Variants in DLG2 observed in about 807,000 individuals in gnomAD.
DLG2 encodes disks large homolog 2.
In DLG2, 45 loss-of-function variants were observed where a neutral mutation model predicts 132.5. That is an observed-to-expected ratio of 0.34 (90% CI 0.27 to 0.44). The LOEUF (loss-of-function observed/expected upper bound fraction) is 0.44, where lower values mean the gene tolerates loss of function less well. Among genes scored for constraint, DLG2 ranks in the 20% least tolerant of loss-of-function variants. DLG2 has a pLI of 1.00. For synonymous variants in DLG2, 424 were observed against 419.6 expected (o/e 1.01, Z -0.13); for missense variants, 1,045 against 1,196.9 (o/e 0.87, Z 1.87).
intron 6 of DLG2, among the ~76,000 whole-genome samples, chr11:84,812,648 C>A: frequency 6.6e-6 from 1 of 152,090 alleles, no homozygotes; most frequent in South Asian, 2.1e-4. Flanking sequence ...GAAAGCAATT[C>A]CACAGCAATA....
At position 83,458,048 on chromosome 11, in the gene DLG2, T is replaced by C. The variant is rs1255370871; in HGVS notation, c.*1770A>G. 1.3e-5 allele frequency: 2 copies of C among 152,646 alleles called. No homozygotes were observed. Among genetic ancestry groups the C allele is most frequent in the African/African-American group, 4.8e-5 (2 of 41,446 alleles). 9.5% of individuals were successfully genotyped at this position (152,646 alleles called of 1,614,324 possible). A position where few individuals can be genotyped will look rare whatever the true frequency, so the allele number is the denominator to read the frequency against. ...TCTTACTGTGAAGAAGCCCCATCAC[T>C]CTGATGGCTCTATCTCTTGCTCTCC... is the stretch of plus-strand genomic sequence containing the variant. On this transcript the variant is annotated 3_prime_UTR_variant, in exon 28 of 28. Transcript: ENST00000376104.
At chr11:83,607,848 C>A (rs529397355) in intron 19 of DLG2, among the ~76,000 whole-genome samples, 8 of 152,242 alleles carry the variant, frequency 5.3e-5, no homozygotes, top group Non-Finnish European at 1.0e-4. Context: ...TCATGTTGAG[C>A]CAAGGAAGCC....
At chr11:84,733,991 GC>G (rs2063496286) in intron 6 of DLG2, among the ~76,000 whole-genome samples, 1 of 152,100 alleles carries the variant, frequency 6.6e-6, no homozygotes, top group African/African-American at 2.4e-5. Context: ...TGTTCCATTG[GC>G]CTATATCTCT....
At chr11:85,014,957 C>T (rs2059447688) in intron 6 of DLG2, among the ~76,000 whole-genome samples, 3 of 152,124 alleles carry the variant, frequency 2.0e-5, no homozygotes, top group Non-Finnish European at 4.4e-5. Context: ...CAGATTATGC[C>T]TCTTGAAGTT....
chr11:84,995,528 T>C (rs1458578936), intron 6 of DLG2, among the ~76,000 whole-genome samples: 1 of 152,204 alleles, frequency 6.6e-6, no homozygotes, highest in Non-Finnish European at 1.5e-5. Context: ...GCCTTGCATG[T>C]CTTCTTGTTG....
At chr11:85,349,304 TGAAA>T (rs2083098073) in intron 3 of DLG2, among the ~76,000 whole-genome samples, 1 of 152,130 alleles carries the variant, frequency 6.6e-6, no homozygotes, top group East Asian at 1.9e-4. Flanking sequence ...CAGCAGACTC[TGAAA>T]GAAACACCAA....
intron 6 of DLG2, among the ~76,000 whole-genome samples, chr11:84,977,009 T>C (rs1348811467): frequency 6.6e-6 from 1 of 152,170 alleles, no homozygotes; most frequent in African/African-American, 2.4e-5. Context: ...AATGTAGCTA[T>C]ATAGAATATG....
At chr11:83,916,196 T>C (rs767911644) in intron 15 of DLG2, among the ~76,000 whole-genome samples, 42 of 152,220 alleles carry the variant, frequency 2.8e-4, no homozygotes, top group Admixed American at 9.2e-4. Context: ...TTATGAACAA[T>C]GCTGCTATGA....
At chr11:83,631,616 T>C (rs1191155651) in intron 19 of DLG2, 2 of 152,152 alleles carry the variant, frequency 1.3e-5, no homozygotes, top group Non-Finnish European at 2.9e-5. Flanking sequence ...TATAATATCA[T>C]ATCACTTCAT....
chr11:84,593,788 A>C (rs946011585), intron 6 of DLG2, among the ~76,000 whole-genome samples: 1 of 152,144 alleles, frequency 6.6e-6, no homozygotes, highest in African/African-American at 2.4e-5. Context: ...CCAGAACTTA[A>C]AGTATTATAA....
intron 6 of DLG2, among the ~76,000 whole-genome samples, chr11:84,609,860 A>AT (rs1373454011): frequency 6.6e-6 from 1 of 152,168 alleles, no homozygotes; most frequent in Non-Finnish European, 1.5e-5. Flanking sequence ...AATATTTTAA[A>AT]TTATCTATAA....
At chr11:84,338,574 C>T (rs922273933) in intron 7 of DLG2, among the ~76,000 whole-genome samples, 1 of 152,110 alleles carries the variant, frequency 6.6e-6, no homozygotes, top group African/African-American at 2.4e-5. Context: ...CCTGTAATCC[C>T]AGCACTTTGG....
intron 18 of DLG2, among the ~76,000 whole-genome samples, chr11:83,724,476 T>TGAGAGAGAGAGA (rs59782952): frequency 0.014 from 1,702 of 118,098 alleles, 17 homozygotes; most frequent in East Asian, 0.031. Context: ...TGTGTGTGTG[T>TGAGAGAGAGAGA]GAGAGAGAGA....
intron 7 of DLG2, among the ~76,000 whole-genome samples, chr11:84,303,835 G>A (rs1041200099): frequency 6.6e-6 from 1 of 152,144 alleles, no homozygotes; most frequent in African/African-American, 2.4e-5. Flanking sequence ...GGAATAGAAG[G>A]TGTCATTCTT....
At chr11:85,332,888 G>A (rs2081864805) in intron 3 of DLG2, among the ~76,000 whole-genome samples, 1 of 152,122 alleles carries the variant, frequency 6.6e-6, no homozygotes, top group Admixed American at 6.6e-5. Context: ...AGAGTATGAT[G>A]CCTCCAGCTT....
intron 6 of DLG2, among the ~76,000 whole-genome samples, chr11:84,980,963 C>T (rs930171448): frequency 2.0e-5 from 3 of 152,130 alleles, no homozygotes; most frequent in African/African-American, 7.2e-5. Context: ...CTTTTGTGCT[C>T]TCATAGACTC....
At chr11:85,599,340 CTCTCTCTT>C in intron 2 of DLG2, among the ~76,000 whole-genome samples, 1 of 150,174 alleles carries the variant, frequency 6.7e-6, no homozygotes, top group African/African-American at 2.5e-5. Flanking sequence ...TCTCCCCCAC[CTCTCTCTT>C]TCTCTCTCTC....
chr11:85,106,037 C>A (rs948800447), intron 6 of DLG2, among the ~76,000 whole-genome samples: 1 of 151,080 alleles, frequency 6.6e-6, no homozygotes, highest in African/African-American at 2.4e-5. Flanking sequence ...ATAGCTTATG[C>A]ACACTGTATT....
intron 3 of DLG2, among the ~76,000 whole-genome samples, chr11:85,511,185 A>G (rs907717468): frequency 6.6e-6 from 1 of 152,038 alleles, no homozygotes; most frequent in Non-Finnish European, 1.5e-5. Context: ...GAACACATGG[A>G]CACAGGAAGG....
Sources: allele counts gnomAD v4.1 joint callset (sites outside exome capture counted in the v4.1 genomes callset), GRCh38; gene constraint gnomAD v4.1.1; transcripts MANE v1.5; gene names NCBI Gene and HGNC (gene_info 2026-07-23, HGNC 2026-07-21).